The following TANC1 variants were observed in gnomAD, a reference collection of about 807,000 sequenced individuals.
The protein encoded by TANC1 is protein TANC1.
In TANC1, 77 loss-of-function variants were observed where a neutral mutation model predicts 149.7. That is an observed-to-expected ratio of 0.51 (90% CI 0.43 to 0.62). The LOEUF is 0.62. Among genes scored for constraint, TANC1 ranks in the 20% least tolerant of loss-of-function variants. TANC1 has a pLI of 0.00. For synonymous variants in TANC1, 854 were observed against 925.0 expected (o/e 0.92, Z 1.39); for missense variants, 1,985 against 2,321.8 (o/e 0.85, Z 2.98).
intron 1 of TANC1, among the ~76,000 whole-genome samples, chr2:158,999,915 G>T (rs1466774392): frequency 6.6e-6 from 1 of 152,192 alleles, no homozygotes; most frequent in Non-Finnish European, 1.5e-5. Flanking sequence ...GAGTATTAGA[G>T]AAGCTGGGGC....
At chr2:159,091,971 T>TGG (rs2045600632) in intron 3 of TANC1, among the ~76,000 whole-genome samples, 1 of 108,246 alleles carries the variant, frequency 9.2e-6, no homozygotes, top group Non-Finnish European at 1.9e-5. Context: ...TAGGGGGGGG[T>TGG]GTGTGTGTGT....
chr2:159,217,413 G>C, intron 19 of TANC1, 84 bp from the exon 20 acceptor site: 2 of 1,564,906 alleles, frequency 1.3e-6, no homozygotes, highest in Non-Finnish European at 1.7e-6. Flanking sequence ...ATCTCCCACT[G>C]GGGGAGAGAA....
intron 1 of TANC1, among the ~76,000 whole-genome samples, chr2:158,985,880 A>T (rs759155374): frequency 2.0e-5 from 3 of 152,124 alleles, no homozygotes; most frequent in Non-Finnish European, 2.9e-5. Flanking sequence ...TGACCTTGCG[A>T]TCTGCCTGCC....
chr2:159,223,558 A>G (rs1213585875), intron 22 of TANC1, among the ~76,000 whole-genome samples: 1 of 152,238 alleles, frequency 6.6e-6, no homozygotes, highest in Non-Finnish European at 1.5e-5. Flanking sequence ...TAAAATAGCC[A>G]CAGGCTAAAA....
chr2:159,127,935 A>G (rs1409353956), intron 4 of TANC1, among the ~76,000 whole-genome samples: 3 of 152,250 alleles, frequency 2.0e-5, no homozygotes, highest in Non-Finnish European at 2.9e-5. Flanking sequence ...GAACATTTAC[A>G]TCCTCACAAT....
At chr2:159,088,121 G>A (rs1241874089) in intron 3 of TANC1, among the ~76,000 whole-genome samples, 1 of 151,698 alleles carries the variant, frequency 6.6e-6, no homozygotes, top group Non-Finnish European at 1.5e-5. Context: ...TGTTGTTTAG[G>A]CCACCCTATT....
At chr2:159,211,351 C>A (rs1031859568) in intron 19 of TANC1, among the ~76,000 whole-genome samples, 1 of 152,230 alleles carries the variant, frequency 6.6e-6, no homozygotes, top group African/African-American at 2.4e-5. Context: ...GCCATCTGTT[C>A]ACGTTGATTT....
At chr2:159,040,129 C>G (rs1289457758) in intron 2 of TANC1, among the ~76,000 whole-genome samples, 1 of 152,118 alleles carries the variant, frequency 6.6e-6, no homozygotes, top group Admixed American at 6.6e-5. Flanking sequence ...CTCTTTTGAT[C>G]TCTGTTGGTT....
At chr2:159,040,801 T>G (rs1036672170) in intron 2 of TANC1, among the ~76,000 whole-genome samples, 3 of 152,242 alleles carry the variant, frequency 2.0e-5, no homozygotes, top group African/African-American at 4.8e-5. Context: ...CTTTTTTCCA[T>G]TTCTGGTAAG....
intron 2 of TANC1, among the ~76,000 whole-genome samples, chr2:159,051,651 T>TGTGTGTGTG (rs2041474905): frequency 7.0e-6 from 1 of 142,862 alleles, no homozygotes; most frequent in Non-Finnish European, 1.5e-5. Flanking sequence ...GAAGTGGTGT[T>TGTGTGTGTG]TGTGTGTGTG....
chr2:159,127,955 G>A (rs1472129991), intron 4 of TANC1, among the ~76,000 whole-genome samples: 1 of 152,232 alleles, frequency 6.6e-6, no homozygotes, highest in African/African-American at 2.4e-5. Context: ...TGTCTTAGGC[G>A]TTGCACCAAT....
At chr2:159,109,974 G>T (rs1325679608) in intron 4 of TANC1, among the ~76,000 whole-genome samples, 1 of 152,190 alleles carries the variant, frequency 6.6e-6, no homozygotes, top group African/African-American at 2.4e-5. Context: ...AAGATCTATA[G>T]TAAGAATGAA....
At chr2:159,072,518 G>A (rs1238950804) in intron 3 of TANC1, among the ~76,000 whole-genome samples, 1 of 152,172 alleles carries the variant, frequency 6.6e-6, no homozygotes, top group Non-Finnish European at 1.5e-5. Context: ...GGTTGAATAC[G>A]AATACCTTTC....
chr2:159,078,638 T>G (rs572929078), intron 3 of TANC1, among the ~76,000 whole-genome samples: 4 of 152,214 alleles, frequency 2.6e-5, no homozygotes, highest in Non-Finnish European at 5.9e-5. Flanking sequence ...TTCTGAAGAT[T>G]AGAGATTCTG....
chr2:159,003,753 G>A (rs994915712), intron 2 of TANC1, among the ~76,000 whole-genome samples: 1 of 152,186 alleles, frequency 6.6e-6, no homozygotes, highest in Non-Finnish European at 1.5e-5. Flanking sequence ...TGCCGCAGTC[G>A]TCGTCTTTCT....
chr2:159,132,067 T>G (rs971611754), intron 4 of TANC1, among the ~76,000 whole-genome samples: 3 of 152,230 alleles, frequency 2.0e-5, no homozygotes, highest in Admixed American at 1.3e-4. Context: ...CAATGGTGAT[T>G]CAGTGCCTGG....
At position 159,181,320 on chromosome 2, in the gene TANC1, C is replaced by T. The variant is rs544748750; in HGVS notation, c.2510+2157C>T. ...TTTTTTGCTTTTTTTTTTTTTCAGA[C>T]GGAGTCTCGCTGTCGCCCAGGCTAG... On this transcript the variant is annotated intron_variant, in intron 14 of 26. Coordinates refer to ENST00000263635, the MANE Select transcript of TANC1 (RefSeq NM_033394.3). 3.3e-5 allele frequency among the ~76,000 whole-genome samples: 5 copies of T among 149,654 alleles called. No individual in the cohort carries two copies. The South Asian group carries it at 1.1e-3, about 32-fold the overall frequency.
intron 3 of TANC1, among the ~76,000 whole-genome samples, chr2:159,082,956 A>C (rs1161606096): frequency 2.0e-5 from 3 of 151,842 alleles, no homozygotes; most frequent in East Asian, 3.9e-4. Context: ...TTTATTCTTT[A>C]TTTATTTAAG....
intron 7 of TANC1, chr2:159,150,909 C>T (rs2150322073): frequency 5.3e-6 from 1 of 188,212 alleles, no homozygotes; most frequent in East Asian, 1.5e-4. Flanking sequence ...GAAATTCCTG[C>T]ATATTAAGAC....
Sources: allele counts gnomAD v4.1 joint callset (sites outside exome capture counted in the v4.1 genomes callset), GRCh38; gene constraint gnomAD v4.1.1; transcripts MANE v1.5; gene names NCBI Gene and HGNC (gene_info 2026-07-23, HGNC 2026-07-21).